Variants in ROBO2 observed in about 807,000 individuals in gnomAD.
The protein encoded by ROBO2 is roundabout guidance receptor 2.
In ROBO2, 53 loss-of-function variants were observed where a neutral mutation model predicts 160.8. That is an observed-to-expected ratio of 0.33 (90% CI 0.26 to 0.41). The LOEUF is 0.41. Ranked by LOEUF, ROBO2 falls within the 10% of genes least tolerant of loss-of-function variation. The pLI is 1.00. For missense variants in ROBO2, 1,577 were observed against 1,722.4 expected, an observed-to-expected ratio of 0.92 and a Z score of 1.49; for synonymous variants, 664 against 611.7, an observed-to-expected ratio of 1.09 and a Z score of -1.26.
At chr3:76,529,398 T>G (rs1399013696) in intron 2 of ROBO2, among the ~76,000 whole-genome samples, 2 of 152,106 alleles carry the variant, frequency 1.3e-5, no homozygotes, top group East Asian at 3.9e-4. Context: ...TGAGAGGCAA[T>G]GATGGTATTC....
At chr3:76,382,934 A>G (rs926120677) in intron 2 of ROBO2, among the ~76,000 whole-genome samples, 1 of 152,206 alleles carries the variant, frequency 6.6e-6, no homozygotes, top group Non-Finnish European at 1.5e-5. Context: ...GGATTCTGTC[A>G]GTGAGATTCA....
intron 2 of ROBO2, among the ~76,000 whole-genome samples, chr3:76,253,144 T>C (rs1444589643): frequency 6.6e-6 from 1 of 152,096 alleles, no homozygotes; most frequent in East Asian, 1.9e-4. Flanking sequence ...CTATCACAGA[T>C]CAGCCTCTTT....
intron 2 of ROBO2, among the ~76,000 whole-genome samples, chr3:76,563,415 A>G (rs11922895): frequency 5.3e-5 from 8 of 152,126 alleles, no homozygotes; most frequent in African/African-American, 1.9e-4. Flanking sequence ...CTTGTTGAGA[A>G]TCTTGTAAAT....
At chr3:77,271,248 AC>A (rs1234774909) in intron 2 of ROBO2, among the ~76,000 whole-genome samples, 1 of 152,196 alleles carries the variant, frequency 6.6e-6, no homozygotes, top group African/African-American at 2.4e-5. Context: ...AGTGTAAGCT[AC>A]CATAATATTT....
chr3:77,383,062 T>G (rs142478201), intron 2 of ROBO2, among the ~76,000 whole-genome samples: 1 of 152,222 alleles, frequency 6.6e-6, no homozygotes, highest in African/African-American at 2.4e-5. Flanking sequence ...AAATAGAAAC[T>G]ATTTGCATAT....
intron 2 of ROBO2, among the ~76,000 whole-genome samples, chr3:76,841,444 G>A (rs1409640167): frequency 6.6e-6 from 1 of 152,202 alleles, no homozygotes; most frequent in Non-Finnish European, 1.5e-5. Context: ...GAAGAAACGT[G>A]TGGTAAACTG....
At chr3:77,209,819 C>T (rs1273002190) in intron 2 of ROBO2, among the ~76,000 whole-genome samples, 2 of 152,102 alleles carry the variant, frequency 1.3e-5, no homozygotes, top group East Asian at 3.9e-4. Flanking sequence ...CTTTTAAATA[C>T]AATTGATTCC....
chr3:75,977,051 C>T (rs999847376), intron 2 of ROBO2, among the ~76,000 whole-genome samples: 1 of 151,582 alleles, frequency 6.6e-6, no homozygotes, highest in Non-Finnish European at 1.5e-5. Flanking sequence ...TTGAATCACT[C>T]TTTCATATAA....
At chr3:76,517,730 A>G (rs944443146) in intron 2 of ROBO2, among the ~76,000 whole-genome samples, 1 of 152,136 alleles carries the variant, frequency 6.6e-6, no homozygotes, top group Admixed American at 6.5e-5. Context: ...AGTTAAAATG[A>G]CACATCTGGG....
intron 2 of ROBO2, among the ~76,000 whole-genome samples, chr3:76,144,630 C>A (rs2071816635): frequency 6.6e-6 from 1 of 152,010 alleles, no homozygotes; most frequent in South Asian, 2.1e-4. Context: ...AGATAATGAA[C>A]AATTCCATAG....
At chr3:76,002,321 T>G (rs2065910375) in intron 2 of ROBO2, among the ~76,000 whole-genome samples, 1 of 152,148 alleles carries the variant, frequency 6.6e-6, no homozygotes, top group Admixed American at 6.5e-5. Flanking sequence ...CGATATGGTT[T>G]GGCTGTGTCC....
intron 2 of ROBO2, among the ~76,000 whole-genome samples, chr3:76,132,622 T>C (rs999047269): frequency 6.6e-6 from 1 of 152,130 alleles, no homozygotes; most frequent in Non-Finnish European, 1.5e-5. Context: ...TATTATGCAG[T>C]AATTTTACTA....
chr3:76,109,236 C>CT (rs11375156), intron 2 of ROBO2, among the ~76,000 whole-genome samples: 22,053 of 151,708 alleles, frequency 0.15, 1,820 homozygotes, highest in South Asian at 0.24. Context: ...GATGAAAATG[C>CT]TTTTTTTCAT....
chr3:76,825,042 G>A (rs898518425), intron 2 of ROBO2, among the ~76,000 whole-genome samples: 7 of 152,282 alleles, frequency 4.6e-5, no homozygotes, highest in Middle Eastern at 3.4e-3. Flanking sequence ...TTGCTGTAAG[G>A]TGAGTATGAC....
chr3:75,926,603 G>A (rs1327078541), intron 1 of ROBO2, among the ~76,000 whole-genome samples: 1 of 152,102 alleles, frequency 6.6e-6, no homozygotes, highest in Non-Finnish European at 1.5e-5. Flanking sequence ...TTCACTAAAA[G>A]CATACCTTCA....
intron 1 of ROBO2, among the ~76,000 whole-genome samples, chr3:75,911,133 C>G (rs1946563138): frequency 6.6e-6 from 1 of 151,770 alleles, no homozygotes; most frequent in Non-Finnish European, 1.5e-5. Flanking sequence ...AATTTGCAAC[C>G]AAATAGGACA....
At chr3:76,610,888 G>C (rs1398212628) in intron 2 of ROBO2, among the ~76,000 whole-genome samples, 1 of 152,204 alleles carries the variant, frequency 6.6e-6, no homozygotes, top group Non-Finnish European at 1.5e-5. Flanking sequence ...TTCATGTCCT[G>C]AGACCAAGAG....
At chr3:77,411,991 G>A (rs2076841904) in intron 2 of ROBO2, among the ~76,000 whole-genome samples, 1 of 151,884 alleles carries the variant, frequency 6.6e-6, no homozygotes, top group Non-Finnish European at 1.5e-5. Flanking sequence ...ATTTTAGTTG[G>A]CTATTAGAAA....
intron 2 of ROBO2, among the ~76,000 whole-genome samples, chr3:76,274,836 C>CA (rs76078360): frequency 0.037 from 2,961 of 79,092 alleles, 51 homozygotes; most frequent in African/African-American, 0.083. Context: ...GACTCCTTTT[C>CA]AAAAAAAAAA....
Sources: allele counts gnomAD v4.1 joint callset (sites outside exome capture counted in the v4.1 genomes callset), GRCh38; gene constraint gnomAD v4.1.1; transcripts MANE v1.5; gene names NCBI Gene and HGNC (gene_info 2026-07-23, HGNC 2026-07-21).